GAB3: variants seen among roughly 807,000 people sequenced by gnomAD.
GAB3 encodes GRB2 associated binding protein 3.
Under a neutral mutation model 40.4 loss-of-function variants are expected in GAB3, and 12 were observed. The ratio of observed to expected loss-of-function variants is 0.30; its 90% confidence interval spans 0.19 to 0.48. The LOEUF is 0.48. Among genes scored for constraint, GAB3 ranks in the 20% least tolerant of loss-of-function variants. GAB3 has a pLI of 0.99. For synonymous variants in GAB3, 154 were observed against 176.7 expected (o/e 0.87, Z 1.02); for missense variants, 381 against 461.9 (o/e 0.82, Z 1.61).
intron 1 of GAB3, among the ~76,000 whole-genome samples, chrX:154,720,606 G>A (rs946332482): frequency 1.2e-5 from 1 of 82,818 alleles, no homozygotes; most frequent in African/African-American, 4.9e-5. Flanking sequence ...CAGCCTGGGC[G>A]ACAGAGCGAG....
intron 1 of GAB3, among the ~76,000 whole-genome samples, chrX:154,745,333 GAA>G (rs1407480375): frequency 1.2e-5 from 1 of 81,812 alleles, no homozygotes; most frequent in African/African-American, 4.5e-5. Context: ...CTCAGTCTCA[GAA>G]AAAAAAAAAA....
intron 8 of GAB3, among the ~76,000 whole-genome samples, chrX:154,694,941 C>T (rs1336762747): frequency 4.5e-5 from 5 of 112,061 alleles, no homozygotes; most frequent in Admixed American, 9.5e-5. Flanking sequence ...CATCTGCATA[C>T]GGTTAAGTGC....
At chrX:154,741,460 G>C (rs1225767958) in intron 1 of GAB3, among the ~76,000 whole-genome samples, 1 of 110,163 alleles carries the variant, frequency 9.1e-6, no homozygotes, top group Non-Finnish European at 1.9e-5. Flanking sequence ...GGTGGATCAC[G>C]AGGTCAGGAG....
At chrX:154,749,528 C>G (rs782233478) in intron 1 of GAB3, among the ~76,000 whole-genome samples, 1 of 112,312 alleles carries the variant, frequency 8.9e-6, no homozygotes, top group African/African-American at 3.2e-5. Flanking sequence ...GTTAAGGAAG[C>G]AGCTGGATAA....
At chrX:154,733,282 C>G (rs782092056) in intron 1 of GAB3, among the ~76,000 whole-genome samples, 3 of 112,389 alleles carry the variant, frequency 2.7e-5, no homozygotes, top group African/African-American at 9.7e-5. Flanking sequence ...TTATGTGTCA[C>G]GTCCCTTTGT....
intron 1 of GAB3, among the ~76,000 whole-genome samples, chrX:154,719,601 T>C (rs2071097988): frequency 8.9e-6 from 1 of 112,444 alleles, no homozygotes; most frequent in African/African-American, 3.2e-5. Context: ...GTAACTTAAA[T>C]AGGACGTAGC....
At chrX:154,678,909 T>C (rs2070334985) in intron 9 of GAB3, 2 of 148,203 alleles carry the variant, frequency 1.3e-5, no homozygotes, top group Admixed American at 1.7e-4. Context: ...TCTCAGGTAT[T>C]TCTTCATAGC....
At chrX:154,689,217 C>A (rs1557248685) in intron 8 of GAB3, among the ~76,000 whole-genome samples, 4 of 111,233 alleles carry the variant, frequency 3.6e-5, no homozygotes. Context: ...ATTCAACAGC[C>A]CTTCATGCTA....
chrX:154,744,932 G>A (rs1478642407), intron 1 of GAB3, among the ~76,000 whole-genome samples: 1 of 112,012 alleles, frequency 8.9e-6, no homozygotes, highest in African/African-American at 3.2e-5. Context: ...GAAAACCCTT[G>A]GATCAAAGAG....
At chrX:154,743,184 T>C (rs1385274046) in intron 1 of GAB3, among the ~76,000 whole-genome samples, 1 of 110,193 alleles carries the variant, frequency 9.1e-6, no homozygotes, top group African/African-American at 3.3e-5. Context: ...GTGACATCTT[T>C]AAGGTGCTGA....
intron 1 of GAB3, among the ~76,000 whole-genome samples, chrX:154,745,548 A>G (rs782817610): frequency 1.4e-4 from 16 of 111,679 alleles, no homozygotes; most frequent in Non-Finnish European, 3.0e-4. Flanking sequence ...ACGAAACCAA[A>G]GGATGGTTCC....
chrX:154,737,270 G>C, intron 1 of GAB3, among the ~76,000 whole-genome samples: 1 of 111,693 alleles, frequency 9.0e-6, no homozygotes, highest in Non-Finnish European at 1.9e-5. Flanking sequence ...TGCCCTATCA[G>C]TCAGAGCCCT....
intron 1 of GAB3, among the ~76,000 whole-genome samples, chrX:154,743,010 GTACACACACA>G (rs1329380370): frequency 1.1e-5 from 1 of 89,280 alleles, no homozygotes; most frequent in Non-Finnish European, 2.3e-5. Context: ...ATATATATAT[GTACACACACA>G]TACACACACA....
chrX:154,698,399 A>T (rs782446046), intron 6 of GAB3, among the ~76,000 whole-genome samples: 2 of 112,415 alleles, frequency 1.8e-5, no homozygotes, highest in African/African-American at 6.5e-5. Flanking sequence ...CAGCGCATGC[A>T]TTGTAAATGT....
intron 2 of GAB3, 52 bp downstream of exon 2, chrX:154,715,974 C>G (rs915226045): frequency 1.8e-6 from 2 of 1,106,530 alleles, no homozygotes; most frequent in Non-Finnish European, 2.4e-6. Flanking sequence ...TGCAGTAACC[C>G]TCCAGTCCTG....
At chrX:154,680,572 T>C (rs1206055595) in intron 8 of GAB3, among the ~76,000 whole-genome samples, 1 of 112,190 alleles carries the variant, frequency 8.9e-6, no homozygotes, top group Non-Finnish European at 1.9e-5. Context: ...TCAACTATAC[T>C]TATTAAAGTT....
chrX:154,707,740 G>T (rs1381537359), intron 4 of GAB3, among the ~76,000 whole-genome samples: 2 of 111,225 alleles, frequency 1.8e-5, no homozygotes, highest in Admixed American at 1.9e-4. Flanking sequence ...AAAATACAAG[G>T]GTTGTTAAAG....
chrX:154,693,360 G>A (rs1457175360), intron 8 of GAB3, among the ~76,000 whole-genome samples: 1 of 111,895 alleles, frequency 8.9e-6, no homozygotes, highest in Non-Finnish European at 1.9e-5. Context: ...TGTCTTCCAT[G>A]GGTGAGGGGA....
chrX:154,730,047 G>A lies in GAB3; in HGVS notation c.73-13718C>T, dbSNP rs200703804. On this transcript the variant is annotated intron_variant, in intron 1 of 9. Coordinates refer to ENST00000424127, the MANE Select transcript of GAB3 (RefSeq NM_001081573.3). The stretch of plus-strand genomic sequence containing the variant: ...CCTGCCACGCTCTGCAGTTTGCTGT[G>A]GGGGTATCTGCAGGGAAACAGTCAT... Among the ~76,000 whole-genome samples the A allele has an allele frequency of 1.9e-4, 21 of 112,192 alleles. No individual in the cohort carries two copies. In the East Asian group the frequency reaches 5.3e-3, roughly 28 times the overall value.
Sources: allele counts gnomAD v4.1 joint callset (sites outside exome capture counted in the v4.1 genomes callset), GRCh38; gene constraint gnomAD v4.1.1; transcripts MANE v1.5; gene names NCBI Gene and HGNC (gene_info 2026-07-23, HGNC 2026-07-21).